FAM227A: variants seen among roughly 807,000 people sequenced by gnomAD.
FAM227A encodes the protein protein FAM227A.
In FAM227A, 80 loss-of-function variants were observed where a neutral mutation model predicts 74.7. The observed-to-expected ratio is 1.07, with a 90% CI of 0.89 to 1.29. The LOEUF is 1.29. Ranked by LOEUF, FAM227A falls within the 50% of genes most tolerant of loss-of-function variation. The pLI is 0.00. For synonymous variants in FAM227A, 237 were observed against 241.8 expected (o/e 0.98, Z 0.19); for missense variants, 654 against 683.4 (o/e 0.96, Z 0.48).
chr22:38,585,014 C>T lies in FAM227A; in HGVS notation c.*1111G>A, dbSNP rs1309872218. On this transcript the variant is annotated 3_prime_UTR_variant, in exon 17 of 17. Transcript: ENST00000535113. ...GTTTCACCATGTTGGCCAGGATGGT[C>T]TCGAACTCCTGACCTCGTGATCTGC... 1 of 152,038 alleles carries T rather than the reference C, an allele frequency of 6.6e-6. No individual in the cohort carries two copies. Among genetic ancestry groups the T allele is most frequent in the East Asian group, 1.9e-4 (1 of 5,168 alleles). 9.4% of individuals were successfully genotyped at this position (152,038 alleles called of 1,614,324 possible). A position where few individuals can be genotyped will look rare whatever the true frequency, so the allele number is the denominator to read the frequency against.
chr22:38,652,366 A>C (rs2092334818), intron 1 of FAM227A, among the ~76,000 whole-genome samples: 1 of 152,086 alleles, frequency 6.6e-6, no homozygotes, highest in African/African-American at 2.4e-5. Context: ...AGGCAGGCAG[A>C]TCATGAGGTC....
In FAM227A at chr22:38,639,740, A is replaced by C. The variant is rs1411314803; in HGVS notation, c.226-16T>G. On this transcript the variant is annotated splice_polypyrimidine_tract_variant and intron_variant, in intron 3 of 16. Transcript: ENST00000535113. ...TCTCAATTGCCTTCAAAAACCAAGA[A>C]AAAGGGGGGCATTAGGGATTAATGC... The C allele has an allele frequency of 1.3e-6, 2 of 1,504,798 alleles. No homozygotes were observed. Among genetic ancestry groups the C allele is most frequent in the East Asian group, 2.5e-5 (1 of 40,692 alleles). The allele number at this position is 1,504,798 out of a possible 1,614,324, so 93.2% of individuals were successfully genotyped here.
At chr22:38,590,324 C>T (rs921295625) in intron 16 of FAM227A, among the ~76,000 whole-genome samples, 1 of 147,598 alleles carries the variant, frequency 6.8e-6, no homozygotes, top group African/African-American at 2.5e-5. Context: ...TATGCAAAGA[C>T]TCAAATAATT....
chr22:38,630,673 C>T (rs1250069150), intron 6 of FAM227A, among the ~76,000 whole-genome samples: 1 of 152,166 alleles, frequency 6.6e-6, no homozygotes, highest in East Asian at 1.9e-4. Context: ...GATTTCATGT[C>T]AGCTCTTCAA....
chr22:38,640,928 G>C (rs771775830), intron 3 of FAM227A, among the ~76,000 whole-genome samples: 2 of 152,142 alleles, frequency 1.3e-5, no homozygotes, highest in Non-Finnish European at 2.9e-5. Flanking sequence ...GCCAGTGGTG[G>C]GGGGGCGGTC....
At chr22:38,612,357 G>C (rs2091430244) in intron 11 of FAM227A, among the ~76,000 whole-genome samples, 1 of 152,118 alleles carries the variant, frequency 6.6e-6, no homozygotes, top group African/African-American at 2.4e-5. Flanking sequence ...CTCACTCTCT[G>C]GGGTACAGTA....
chr22:38,650,837 C>T (rs1257364729), intron 1 of FAM227A, among the ~76,000 whole-genome samples: 3 of 152,126 alleles, frequency 2.0e-5, no homozygotes, highest in Non-Finnish European at 4.4e-5. Context: ...TGCTTGTTGG[C>T]CAGGAACCCA....
chr22:38,629,888 G>A (rs2091882950), intron 6 of FAM227A, among the ~76,000 whole-genome samples: 2 of 111,180 alleles, frequency 1.8e-5, no homozygotes, highest in Admixed American at 1.8e-4. Flanking sequence ...ACACACAGGT[G>A]CCTCTCCTTT....
rs904811073 is a variant in FAM227A at position 38,585,856 on chromosome 22, A to G, written c.*269T>C. On this transcript the variant is annotated 3_prime_UTR_variant, in exon 17 of 17. Transcript: ENST00000535113. ...GAAAGTTTTACCTTTGTATGAGGTC[A>G]TATTTGTAACATACTTACCAGCATG... 6 of 692,042 alleles carry G rather than the reference A, an allele frequency of 8.7e-6. No homozygotes were observed. In the East Asian group the frequency reaches 1.7e-4, roughly 19 times the overall value. The allele number at this position is 692,042 out of a possible 1,614,324, so 42.9% of individuals were successfully genotyped here. A position where few individuals can be genotyped will look rare whatever the true frequency, so the allele number is the denominator to read the frequency against.
intron 11 of FAM227A, among the ~76,000 whole-genome samples, chr22:38,619,088 G>C (rs1485255828): frequency 6.6e-6 from 1 of 152,088 alleles, no homozygotes; most frequent in Admixed American, 6.6e-5. Flanking sequence ...GGTGATAGGA[G>C]CTTACCTGGG....
chr22:38,591,558 A>G lies in FAM227A; in HGVS notation c.1533-18T>C. On this transcript the variant is annotated intron_variant, in intron 15 of 16. Coordinates refer to ENST00000535113, the MANE Select transcript of FAM227A (RefSeq NM_001013647.2). ...TCATTTCCCTGGGAGGAAAACACAG[A>G]GACATATGGAAAAAGGCTGGAGTGA... 1 of 1,519,500 alleles carries G rather than the reference A, an allele frequency of 6.6e-7. No homozygotes were observed. The highest frequency in any genetic ancestry group is 8.9e-7 in the Non-Finnish European group (1 of 1,128,722). The allele number at this position is 1,519,500 out of a possible 1,614,324, so 94.1% of individuals were successfully genotyped here.
intron 6 of FAM227A, among the ~76,000 whole-genome samples, chr22:38,636,107 C>CAGAAA (rs3042693): frequency 0.35 from 52,607 of 149,144 alleles, 9,413 homozygotes; most frequent in African/African-American, 0.45. Flanking sequence ...AAGAAGGAAA[C>CAGAAA]AGAAAAGAAA....
rs111930789 is a variant in FAM227A at position 38,607,055 on chromosome 22, T to C, written c.1126+334A>G. ...AGCCAGGCGTGGTAGCGCACGCCTG[T>C]AGTCCCAGCTACTTGGGAGGTTGAG... On this transcript the variant is annotated intron_variant, in intron 12 of 16. Coordinates refer to ENST00000535113, the MANE Select transcript of FAM227A (RefSeq NM_001013647.2). Among the ~76,000 whole-genome samples, 95 of 151,796 alleles carry C rather than the reference T, an allele frequency of 6.3e-4. 1 individual carries two copies. The highest frequency in any genetic ancestry group is 2.1e-3 in the African/African-American group (85 of 41,348).
chr22:38,609,197 T>C (rs1484047758), intron 11 of FAM227A, among the ~76,000 whole-genome samples: 1 of 152,198 alleles, frequency 6.6e-6, no homozygotes, highest in Admixed American at 6.5e-5. Context: ...AAAGCTGTTT[T>C]TTAAGGAAGG....
Position 38,613,127 on chromosome 22 carries a change from TATA to T in FAM227A, c.1039-5654_1039-5652del, listed in dbSNP as rs1355912745. On this transcript the variant is annotated intron_variant, in intron 11 of 16. Transcript: ENST00000535113. ...TAATTATATATATATTATATATAAT[TATA>T]TATATAATATATATATTATATATTA... Among the ~76,000 whole-genome samples the T allele has an allele frequency of 7.5e-3, 700 of 92,944 alleles. 12 individuals are homozygous for T. Among genetic ancestry groups the T allele is most frequent in the African/African-American group, 0.029 (649 of 22,458 alleles). 61.0% of individuals were successfully genotyped at this position (92,944 alleles called of 152,430 possible). A position where few individuals can be genotyped will look rare whatever the true frequency, so the allele number is the denominator to read the frequency against.
chr22:38,608,616 A>T (rs1305952570), intron 11 of FAM227A, among the ~76,000 whole-genome samples: 2 of 150,422 alleles, frequency 1.3e-5, no homozygotes, highest in African/African-American at 4.9e-5. Context: ...CTTTTATTAG[A>T]GATGGGGTTT....
In FAM227A at chr22:38,650,176, T is replaced by C; in HGVS notation, c.-8A>G. 4 of 1,551,264 alleles carry C rather than the reference T, an allele frequency of 2.6e-6. No individual in the cohort carries two copies. Among genetic ancestry groups the C allele is most frequent in the Non-Finnish European group, 3.5e-6 (4 of 1,146,822 alleles). On this transcript the variant is annotated 5_prime_UTR_variant, in exon 2 of 17. Coordinates refer to ENST00000535113, the MANE Select transcript of FAM227A (RefSeq NM_001013647.2). ...CTTCCTGAAGTGATTCATTGTCCAATTTCTTGTAAATGGACAAACAAAAAG... is the reference window on the plus strand; with the variant it reads ...CTTCCTGAAGTGATTCATTGTCCAACTTCTTGTAAATGGACAAACAAAAAG...
At chr22:38,620,714 CAGG>C (rs1372351737) in intron 10 of FAM227A, among the ~76,000 whole-genome samples, 9 of 150,662 alleles carry the variant, frequency 6.0e-5, no homozygotes, top group African/African-American at 2.2e-4. Context: ...GAGGCTGAGG[CAGG>C]AGAATAGTGT....
At chr22:38,643,315 C>CAA (rs71326719) in intron 3 of FAM227A, among the ~76,000 whole-genome samples, 48 of 127,334 alleles carry the variant, frequency 3.8e-4, no homozygotes, top group African/African-American at 1.1e-3. Context: ...GATTCTGTCT[C>CAA]AAAAAAAAAA....
Sources: allele counts gnomAD v4.1 joint callset (sites outside exome capture counted in the v4.1 genomes callset), GRCh38; gene constraint gnomAD v4.1.1; transcripts MANE v1.5; gene names NCBI Gene and HGNC (gene_info 2026-07-23, HGNC 2026-07-21).